Variants in CCDC73 observed in about 807,000 individuals in gnomAD.
CCDC73 encodes the protein coiled-coil domain-containing protein 73.
Under a neutral mutation model 116.5 loss-of-function variants are expected in CCDC73, and 95 were observed. The ratio of observed to expected loss-of-function variants is 0.82; its 90% CI spans 0.69 to 0.97. The LOEUF (loss-of-function observed/expected upper bound fraction) is 0.97. CCDC73 is among the 50% of genes least tolerant of loss of function. The probability of loss-of-function intolerance (pLI) is 0.00; values close to 1 mark genes in which losing one functional copy is unlikely to be tolerated. For missense variants in CCDC73, 1,066 were observed against 1,206.8 expected (o/e 0.88, Z 1.73); for synonymous variants, 398 against 401.3 (o/e 0.99, Z 0.10).
chr11:32,758,503 T>C, intron 2 of CCDC73: 2 of 462,628 alleles, frequency 4.3e-6, no homozygotes, highest in Non-Finnish European at 8.5e-6. Context: ...CCTATGGTGG[T>C]TCCATGTATG....
intron 16 of CCDC73, among the ~76,000 whole-genome samples, chr11:32,612,824 T>C (rs1258451392): frequency 6.6e-6 from 1 of 152,176 alleles, no homozygotes; most frequent in Admixed American, 6.6e-5. Context: ...AAGTCATATG[T>C]ATTTCATCCA....
intron 2 of CCDC73, among the ~76,000 whole-genome samples, chr11:32,744,222 A>G (rs1054206080): frequency 3.3e-5 from 5 of 152,136 alleles, no homozygotes; most frequent in African/African-American, 1.2e-4. Flanking sequence ...ATTGATATGC[A>G]TATGTTGAAC....
At chr11:32,782,483 T>C (rs954980576) in intron 1 of CCDC73, among the ~76,000 whole-genome samples, 9 of 152,214 alleles carry the variant, frequency 5.9e-5, no homozygotes, top group Non-Finnish European at 1.2e-4. Context: ...CCATAGTCAA[T>C]AGGCTATATC....
At chr11:32,692,629 C>A (rs956201976) in intron 6 of CCDC73, among the ~76,000 whole-genome samples, 1 of 152,166 alleles carries the variant, frequency 6.6e-6, no homozygotes, top group African/African-American at 2.4e-5. Flanking sequence ...ATCTACCTAT[C>A]CTCTCTTTAT....
At chr11:32,772,351 A>G (rs1192166409) in intron 1 of CCDC73, among the ~76,000 whole-genome samples, 1 of 152,194 alleles carries the variant, frequency 6.6e-6, no homozygotes, top group Non-Finnish European at 1.5e-5. Flanking sequence ...AAAAAACAAA[A>G]GCAGGGGGAC....
chr11:32,826,661 A>C, the CCDC73 span, among the ~76,000 whole-genome samples: 27,871 of 83,530 alleles, frequency 0.33, 3,011 homozygotes, highest in East Asian at 0.6. Context: ...AAAAAAAAAC[A>C]AAAAAAAAAA....
At position 32,613,498 on chromosome 11, in the gene CCDC73, T is replaced by C. The variant is rs1427564813; in HGVS notation, c.2820A>G (p.Ser940=). The change falls in exon 16 of 18, where the codon TCA becomes TCG. Residue 940 remains serine, a synonymous_variant. Coordinates refer to ENST00000335185, the MANE Select transcript of CCDC73 (RefSeq NM_001008391.4). The part of the protein sequence containing the change: ...LLLKERPLDP[S]ENKKIISMAL... The stretch of plus-strand genomic sequence containing the variant: ...CCATTGAAATGATCTTTTTGTTTTC[T>C]GATGGATCTAGTGGTCTCTCCTTCA... The C allele has an allele frequency of 2.5e-6, 4 of 1,614,056 alleles. No individual in the cohort carries two copies. The Admixed American group carries it at 6.7e-5, about 27-fold the overall frequency.
chr11:32,773,068 A>G (rs1258015731), intron 1 of CCDC73, among the ~76,000 whole-genome samples: 2 of 152,228 alleles, frequency 1.3e-5, no homozygotes, highest in Non-Finnish European at 2.9e-5. Flanking sequence ...GCATATCTAT[A>G]AAATAGAATG....
chr11:32,683,061 C>A (rs933283090), intron 7 of CCDC73: 1 of 155,530 alleles, frequency 6.4e-6, no homozygotes, highest in Non-Finnish European at 1.4e-5. Context: ...AATTTGGGAA[C>A]TGTGTAAAAT....
At chr11:32,639,520 G>A (rs1855713646) in intron 13 of CCDC73, among the ~76,000 whole-genome samples, 1 of 151,808 alleles carries the variant, frequency 6.6e-6, no homozygotes, top group Admixed American at 6.6e-5. Context: ...TGCGATCTCG[G>A]CTCACTGCAA....
chr11:32,614,805 C>T lies in CCDC73; in HGVS notation c.1513G>A (p.Val505Ile). Residue 505 changes from valine (V) to isoleucine (I), a missense_variant, in exon 16 of 18, where the codon GTT becomes ATT. By Grantham distance (29) the Val-to-Ile change is conservative (BLOSUM62 3). Transcript: ENST00000335185. ...EVISQGQTSNVTDNRKSVTTE... is the reference protein window; with the variant it reads ...EVISQGQTSNITDNRKSVTTE... The stretch of plus-strand genomic sequence containing the variant: ...GTAACTGATTTTCTGTTGTCCGTAA[C>T]ATTCGAGGTTTGTCCTTGACTAATT... The T allele has an allele frequency of 6.2e-7, 1 of 1,613,352 alleles. No homozygotes were observed. Among genetic ancestry groups the T allele is most frequent in the Non-Finnish European group, 8.5e-7 (1 of 1,179,638 alleles).
chr11:32,614,075 A>C lies in CCDC73; in HGVS notation c.2243T>G (p.Met748Arg). 1 of 1,613,352 alleles carries C rather than the reference A, an allele frequency of 6.2e-7. No homozygotes were observed. Among genetic ancestry groups the C allele is most frequent in the Non-Finnish European group, 8.5e-7 (1 of 1,179,916 alleles). The change falls in exon 16 of 18, where the codon ATG (methionine) becomes AGG (arginine). Residue 748 changes from methionine to arginine, a missense_variant. Coordinates refer to ENST00000335185, the MANE Select transcript of CCDC73 (RefSeq NM_001008391.4). ...TTGCATATCACTCATATTTTTACAC[A>C]TAGTTTTTCCCCCAGGGCTTGAGTT... Reference protein sequence around the residue: ...KPNSSPGGKTMCKNMSDMQNS... With the variant: ...KPNSSPGGKTRCKNMSDMQNS...
chr11:32,741,656 GTATTTATATA>G (rs1447960346), intron 2 of CCDC73, among the ~76,000 whole-genome samples: 1 of 150,688 alleles, frequency 6.6e-6, no homozygotes, highest in Non-Finnish European at 1.5e-5. Context: ...TGTTCTTTAT[GTATTTATATA>G]TATTTATATA....
intron 2 of CCDC73, among the ~76,000 whole-genome samples, chr11:32,732,525 C>T (rs1432523719): frequency 6.6e-6 from 1 of 152,092 alleles, no homozygotes; most frequent in Non-Finnish European, 1.5e-5. Flanking sequence ...AAAGAAACGT[C>T]GGGTTACCCA....
At chr11:32,825,191 A>G in the CCDC73 span, among the ~76,000 whole-genome samples, 1 of 152,186 alleles carries the variant, frequency 6.6e-6, no homozygotes, top group Non-Finnish European at 1.5e-5. Context: ...AAAGGAGGAT[A>G]AACAGATCCT....
upstream of CCDC73, among the ~76,000 whole-genome samples, chr11:32,799,541 C>CA (rs1474965826): frequency 2.0e-5 from 3 of 152,054 alleles, no homozygotes; most frequent in Admixed American, 2.0e-4. Flanking sequence ...ATTATTTTTA[C>CA]ACTTAACATA....
At chr11:32,763,377 G>C (rs1850409624) in intron 1 of CCDC73, among the ~76,000 whole-genome samples, 1 of 152,176 alleles carries the variant, frequency 6.6e-6, no homozygotes, top group Non-Finnish European at 1.5e-5. Context: ...CACATGGCCG[G>C]GTACCCCTCT....
At chr11:32,759,904 T>C (rs1251298601) in intron 2 of CCDC73, among the ~76,000 whole-genome samples, 2 of 152,194 alleles carry the variant, frequency 1.3e-5, no homozygotes. Context: ...TCTTCTTTTA[T>C]TTTGTGCTTT....
the CCDC73 span, among the ~76,000 whole-genome samples, chr11:32,800,120 A>C: frequency 7.2e-5 from 11 of 152,178 alleles, no homozygotes; most frequent in African/African-American, 2.6e-4. Context: ...TTGAATTTTC[A>C]CTCTAGCTTT....
Sources: allele counts gnomAD v4.1 joint callset (sites outside exome capture counted in the v4.1 genomes callset), GRCh38; gene constraint gnomAD v4.1.1; transcripts MANE v1.5; gene names NCBI Gene and HGNC (gene_info 2026-07-23, HGNC 2026-07-21).